MID1: variants seen among roughly 807,000 people sequenced by gnomAD.
MID1 encodes midline 1.
MID1 carries 7 observed loss-of-function variants against 40.4 expected under a neutral mutation model. The observed-to-expected ratio is 0.17, with a 90% CI of 0.10 to 0.33. The LOEUF is 0.33. Ranked by LOEUF, MID1 falls within the 10% of genes least tolerant of loss-of-function variation. The pLI is 1.00. For missense variants in MID1, 367 were observed against 558.5 expected (o/e 0.66, Z 3.46); for synonymous variants, 229 against 221.2 (o/e 1.04, Z -0.31).
chrX:10,494,218 T>G, intron 4 of MID1, among the ~76,000 whole-genome samples: 2 of 112,333 alleles, frequency 1.8e-5, no homozygotes, highest in South Asian at 7.3e-4. Flanking sequence ...AATTTATGTG[T>G]ATAAATATTT....
intron 3 of MID1, among the ~76,000 whole-genome samples, chrX:10,518,656 A>G: frequency 8.9e-6 from 1 of 112,055 alleles, no homozygotes; most frequent in Non-Finnish European, 1.9e-5. Context: ...AATACTAATA[A>G]TTAGGAATAA....
intron 3 of MID1, among the ~76,000 whole-genome samples, chrX:10,501,886 T>C (rs1298888590): frequency 1.8e-5 from 2 of 112,270 alleles, no homozygotes; most frequent in Non-Finnish European, 3.8e-5. Flanking sequence ...GTAATAGTGT[T>C]ACAGTGTTTT....
chrX:10,788,273 A>T (rs768285081), intron 1 of MID1, among the ~76,000 whole-genome samples: 2 of 111,987 alleles, frequency 1.8e-5, no homozygotes, highest in Non-Finnish European at 3.8e-5. Context: ...ACTTCCTTCC[A>T]TACTCTTTCT....
chrX:10,632,037 C>A (rs775446163), intron 1 of MID1, among the ~76,000 whole-genome samples: 1 of 111,668 alleles, frequency 9.0e-6, no homozygotes, highest in East Asian at 2.8e-4. Flanking sequence ...TCAGATGGGA[C>A]CTTGCTGAGC....
chrX:10,773,839 G>C (rs915681825), intron 1 of MID1, among the ~76,000 whole-genome samples: 1 of 111,994 alleles, frequency 8.9e-6, no homozygotes, highest in Non-Finnish European at 1.9e-5. Flanking sequence ...GTTTAAGTTT[G>C]TTGGTCGGAA....
intron 1 of MID1, among the ~76,000 whole-genome samples, chrX:10,700,438 G>A (rs965827118): frequency 9.0e-6 from 1 of 110,997 alleles, no homozygotes; most frequent in Non-Finnish European, 1.9e-5. Context: ...TCTAGTCCCA[G>A]CTACTCAGGA....
intron 1 of MID1, among the ~76,000 whole-genome samples, chrX:10,721,663 C>G (rs1416650483): frequency 3.8e-5 from 4 of 105,906 alleles, no homozygotes; most frequent in Non-Finnish European, 7.8e-5. Flanking sequence ...ACTTCCTTAA[C>G]AAATGATGCT....
At chrX:10,600,389 T>C (rs1054051985) in intron 1 of MID1, among the ~76,000 whole-genome samples, 6 of 111,479 alleles carry the variant, frequency 5.4e-5, no homozygotes, top group African/African-American at 2.0e-4. Flanking sequence ...CTATTGAACA[T>C]TTATAACTTT....
At chrX:10,659,137 A>C (rs2042895474) in intron 1 of MID1, among the ~76,000 whole-genome samples, 1 of 112,085 alleles carries the variant, frequency 8.9e-6, no homozygotes, top group Non-Finnish European at 1.9e-5. Flanking sequence ...CCAATGTCAA[A>C]TGCTGATGTG....
chrX:10,534,636 G>C (rs1357458499), intron 2 of MID1, among the ~76,000 whole-genome samples: 2 of 111,633 alleles, frequency 1.8e-5, no homozygotes, highest in African/African-American at 6.5e-5. Flanking sequence ...GATCAGCTTT[G>C]TTCTTGAATT....
At chrX:10,728,414 C>T (rs2043414292) in intron 1 of MID1, among the ~76,000 whole-genome samples, 1 of 111,816 alleles carries the variant, frequency 8.9e-6, no homozygotes, top group Admixed American at 9.5e-5. Context: ...TTAAATAATA[C>T]GAAATCAAAT....
intron 2 of MID1, among the ~76,000 whole-genome samples, chrX:10,557,376 T>C (rs1934164488): frequency 8.9e-6 from 1 of 112,081 alleles, no homozygotes; most frequent in Non-Finnish European, 1.9e-5. Context: ...TGTTTACTCC[T>C]GAAAACCTCA....
At chrX:10,621,959 C>T (rs943913339), upstream of MID1, among the ~76,000 whole-genome samples, 5 of 102,525 alleles carry the variant, frequency 4.9e-5, no homozygotes, top group Non-Finnish European at 9.9e-5. Context: ...GCCAGTAGCA[C>T]CCCCACAATC....
intron 4 of MID1, among the ~76,000 whole-genome samples, chrX:10,484,394 C>T (rs774232904): frequency 1.8e-5 from 2 of 112,336 alleles, no homozygotes; most frequent in Non-Finnish European, 3.8e-5. Context: ...AAAGACCACA[C>T]ACATTTCAAA....
chrX:10,594,177 C>T (rs1410313328), intron 1 of MID1, among the ~76,000 whole-genome samples: 1 of 111,768 alleles, frequency 8.9e-6, no homozygotes, highest in Non-Finnish European at 1.9e-5. Flanking sequence ...TTATCAACTA[C>T]TATGTCTTGG....
intron 1 of MID1, among the ~76,000 whole-genome samples, chrX:10,693,225 G>A (rs776786702): frequency 1.1e-3 from 114 of 100,494 alleles, no homozygotes; most frequent in African/African-American, 4.0e-3. Context: ...GATGAGGGCT[G>A]GCTCTGTTGC....
chrX:10,653,461 A>G (rs1936338168), intron 1 of MID1, among the ~76,000 whole-genome samples: 1 of 112,287 alleles, frequency 8.9e-6, no homozygotes, highest in African/African-American at 3.2e-5. Context: ...CTCCAAGACA[A>G]TATTGTCCAC....
intron 7 of MID1, among the ~76,000 whole-genome samples, chrX:10,466,590 A>G (rs761036633): frequency 3.6e-5 from 4 of 111,607 alleles, no homozygotes; most frequent in African/African-American, 9.8e-5. Context: ...CTAGATGCCA[A>G]TAGCACCCTC....
intron 1 of MID1, among the ~76,000 whole-genome samples, chrX:10,618,056 C>T (rs12353727): frequency 8.9e-6 from 1 of 112,058 alleles, no homozygotes; most frequent in Non-Finnish European, 1.9e-5. Flanking sequence ...AAACAGCCTT[C>T]TAATTCTGCG....
Sources: gnomAD v4.1 joint callset for allele counts (sites outside exome capture counted in the v4.1 genomes callset) on GRCh38, gnomAD v4.1.1 for gene constraint, MANE v1.5 for transcripts, NCBI Gene and HGNC (gene_info 2026-07-23, HGNC 2026-07-21) for gene names.